Variants in SEMA6D observed in about 807,000 individuals in gnomAD.
SEMA6D encodes the protein semaphorin-6D.
A neutral mutation model predicts 106.6 loss-of-function variants in SEMA6D; 35 were observed. That is an observed-to-expected ratio of 0.33 (90% CI 0.25 to 0.44). The LOEUF is 0.44. SEMA6D is among the 20% of genes least tolerant of loss of function. The pLI is 1.00. For missense variants in SEMA6D, 1,185 were observed against 1,345.9 expected, an observed-to-expected ratio of 0.88 and a Z score of 1.87; for synonymous variants, 499 against 487.7, an observed-to-expected ratio of 1.02 and a Z score of -0.31.
At chr15:47,328,409 T>C (rs935637878) in intron 1 of SEMA6D, among the ~76,000 whole-genome samples, 2 of 152,216 alleles carry the variant, frequency 1.3e-5, no homozygotes, top group South Asian at 4.1e-4. Flanking sequence ...ATAATTATGC[T>C]GTTGGGCAGT....
chr15:47,759,627 C>T lies in SEMA6D; in HGVS notation c.-54-118C>T, dbSNP rs1440352780. 27 of 606,066 alleles carry T rather than the reference C, an allele frequency of 4.5e-5. No individual in the cohort carries two copies. In the East Asian group the frequency reaches 6.9e-4, roughly 15 times the overall value. The allele number at this position is 606,066 out of a possible 1,614,324, so 37.5% of individuals were successfully genotyped here. On this transcript the variant is annotated intron_variant, in intron 1 of 18. Coordinates refer to ENST00000536845, the MANE Select transcript of SEMA6D (RefSeq NM_001358351.3). ...GCGATACCTGATCTACCACTGCCAG[C>T]ATTCCTGGTGGGAGAGGGGCTTTGG...
At chr15:47,560,898 G>T (rs1335773342) in intron 3 of SEMA6D, among the ~76,000 whole-genome samples, 1 of 151,982 alleles carries the variant, frequency 6.6e-6, no homozygotes, top group East Asian at 1.9e-4. Flanking sequence ...CAGGGAAGGG[G>T]CATGGAGCAG....
chr15:47,480,432 G>C (rs369927998), intron 3 of SEMA6D, among the ~76,000 whole-genome samples: 16 of 152,092 alleles, frequency 1.1e-4, no homozygotes, highest in African/African-American at 3.4e-4. Flanking sequence ...GGCCCAACTT[G>C]TCTGTTGAAA....
chr15:47,283,036 A>T lies in SEMA6D; in HGVS notation c.-239+98618A>T, dbSNP rs7170593. On this transcript the variant is annotated intron_variant, in intron 1 of 19. Transcript: ENST00000558014. ...GATGTTGAGCTTAACAGGGGCTAGC[A>T]TTTCTAGAGTCCAGAGAAACTTTTA... 4.5e-3 allele frequency among the ~76,000 whole-genome samples: 678 copies of T among 152,152 alleles called. 4 individuals are homozygous for T. The highest frequency in any genetic ancestry group is 0.016 in the African/African-American group (664 of 41,520).
intron 3 of SEMA6D, among the ~76,000 whole-genome samples, chr15:47,552,868 TTATATATATATAAATATATATAAATA>T (rs1272270098): frequency 7.0e-5 from 4 of 57,198 alleles, no homozygotes; most frequent in African/African-American, 2.5e-4. Context: ...ATATATATTT[TTATATATATATAAATATATATAAATA>T]TATATATATA....
Position 47,766,153 on chromosome 15 carries a change from A to G in SEMA6D, c.1617A>G (p.Gly539=), listed in dbSNP as rs1262110609. 3 of 1,613,502 alleles carry G rather than the reference A, an allele frequency of 1.9e-6. No individual in the cohort carries two copies. In the East Asian group the frequency reaches 6.7e-5, roughly 36 times the overall value. The change falls in exon 15 of 19, where the codon GGA becomes GGG. Residue 539 remains glycine, a synonymous_variant. Transcript: ENST00000536845. ...CGTATTGTGGCTGGTTAAGCCAGGGATCCTGTGGTAGAGTGACCCCAGGGA... is the reference window on the plus strand; with the variant it reads ...CGTATTGTGGCTGGTTAAGCCAGGGGTCCTGTGGTAGAGTGACCCCAGGGA... The part of the protein sequence containing the change: ...RDPYCGWLSQ[G]SCGRVTPGML...
chr15:47,565,238 C>T (rs1006668293), intron 3 of SEMA6D, among the ~76,000 whole-genome samples: 4 of 152,192 alleles, frequency 2.6e-5, no homozygotes, highest in South Asian at 2.1e-4. Context: ...GCTGCAGGGC[C>T]GGCACAGAGT....
At chr15:47,638,033 G>A (rs73392813) in intron 4 of SEMA6D, among the ~76,000 whole-genome samples, 5,225 of 152,040 alleles carry the variant, frequency 0.034, 295 homozygotes, top group African/African-American at 0.12. Context: ...AAACATGAAG[G>A]GAAAAAACTT....
chr15:47,654,091 T>C (rs2077745361), intron 4 of SEMA6D, among the ~76,000 whole-genome samples: 1 of 152,200 alleles, frequency 6.6e-6, no homozygotes, highest in Non-Finnish European at 1.5e-5. Context: ...AGTGTTGTCT[T>C]CACCTAAAAT....
At chr15:47,367,735 GAGAA>G (rs1179816931) in intron 1 of SEMA6D, among the ~76,000 whole-genome samples, 9 of 151,656 alleles carry the variant, frequency 5.9e-5, no homozygotes, top group East Asian at 3.9e-4. Context: ...CACAGAGAGA[GAGAA>G]AGAGAGAGAG....
chr15:47,222,839 T>G (rs1566935180), intron 1 of SEMA6D, among the ~76,000 whole-genome samples: 2 of 152,208 alleles, frequency 1.3e-5, no homozygotes, highest in Non-Finnish European at 2.9e-5. Flanking sequence ...TTTATTTTAG[T>G]ATTCTCAGGT....
intron 1 of SEMA6D, among the ~76,000 whole-genome samples, chr15:47,293,949 T>G (rs1595663547): frequency 6.6e-6 from 1 of 152,152 alleles, no homozygotes; most frequent in African/African-American, 2.4e-5. Context: ...TCAAGTTGCT[T>G]GTGGTGTCAT....
At chr15:47,268,334 C>T (rs993042667) in intron 1 of SEMA6D, among the ~76,000 whole-genome samples, 1 of 152,048 alleles carries the variant, frequency 6.6e-6, no homozygotes, top group Admixed American at 6.6e-5. Context: ...TTCTTTTTGT[C>T]CTTTTTATTA....
At chr15:47,200,996 G>A (rs1190556372) in intron 1 of SEMA6D, among the ~76,000 whole-genome samples, 1 of 152,184 alleles carries the variant, frequency 6.6e-6, no homozygotes, top group Admixed American at 6.5e-5. Flanking sequence ...GGCATGAAGA[G>A]CCAGTATGTA....
At chr15:47,316,110 T>TTTTTTTTTTTA (rs2036664918) in intron 1 of SEMA6D, among the ~76,000 whole-genome samples, 1 of 141,152 alleles carries the variant, frequency 7.1e-6, no homozygotes. Context: ...TCCTTTTTTT[T>TTTTTTTTTTTA]GAGACAGAAT....
At chr15:47,369,149 A>G (rs140342777) in intron 1 of SEMA6D, among the ~76,000 whole-genome samples, 247 of 152,314 alleles carry the variant, frequency 1.6e-3, no homozygotes, top group African/African-American at 5.6e-3. Flanking sequence ...AAGGGCATTT[A>G]AGTGGCTTCT....
intron 1 of SEMA6D, among the ~76,000 whole-genome samples, chr15:47,360,638 C>G (rs890992007): frequency 6.6e-6 from 1 of 152,186 alleles, no homozygotes; most frequent in African/African-American, 2.4e-5. Flanking sequence ...TTCAGGAAAA[C>G]TCAACCTGTG....
At chr15:47,728,595 G>T (rs2079915134) in intron 1 of SEMA6D, among the ~76,000 whole-genome samples, 1 of 152,190 alleles carries the variant, frequency 6.6e-6, no homozygotes, top group Admixed American at 6.5e-5. Flanking sequence ...GATCGCTGTT[G>T]TAACGAATTT....
At chr15:47,664,538 A>G (rs188126096) in intron 4 of SEMA6D, among the ~76,000 whole-genome samples, 14 of 152,332 alleles carry the variant, frequency 9.2e-5, no homozygotes, top group Admixed American at 7.8e-4. Context: ...TGTCACTATA[A>G]TGTGTATCAC....
Sources: allele counts gnomAD v4.1 joint callset (sites outside exome capture counted in the v4.1 genomes callset), GRCh38; gene constraint gnomAD v4.1.1; transcripts MANE v1.5; gene names NCBI Gene and HGNC (gene_info 2026-07-23, HGNC 2026-07-21).